Variants in PPP1R37 observed in about 807,000 individuals in gnomAD.
The protein encoded by PPP1R37 is protein phosphatase 1 regulatory subunit 37, also known as leucine rich repeat containing 68.
PPP1R37 carries 21 observed loss-of-function variants against 61.0 expected under a neutral mutation model. That is an observed-to-expected ratio of 0.34 (90% CI 0.24 to 0.50). The LOEUF (loss-of-function observed/expected upper bound fraction) is 0.50, where lower values mean the gene tolerates loss of function less well. PPP1R37 is among the 20% of genes least tolerant of loss of function. The probability of loss-of-function intolerance (pLI) is 0.98; values close to 1 mark genes in which losing one functional copy is unlikely to be tolerated. For synonymous variants in PPP1R37, 443 were observed against 433.5 expected, an observed-to-expected ratio of 1.02 and a Z score of -0.27; for missense variants, 910 against 952.7, an observed-to-expected ratio of 0.96 and a Z score of 0.59.
chr19:45,104,075 G>A (rs1487184391), intron 1 of PPP1R37, among the ~76,000 whole-genome samples: 1 of 151,018 alleles, frequency 6.6e-6, no homozygotes, highest in Non-Finnish European at 1.5e-5. Context: ...CCCCTCCCAC[G>A]CCTAGACGCA....
intron 1 of PPP1R37, among the ~76,000 whole-genome samples, chr19:45,114,343 C>A (rs936055578): frequency 2.4e-4 from 37 of 152,230 alleles, no homozygotes; most frequent in African/African-American, 8.4e-4. Context: ...AACACATGCA[C>A]TCCTTGTTCC....
chr19:45,125,368 CAGG>C (rs1968392188), intron 1 of PPP1R37, among the ~76,000 whole-genome samples: 1 of 152,090 alleles, frequency 6.6e-6, no homozygotes, highest in Admixed American at 6.5e-5. Context: ...GAGGCTGAGG[CAGG>C]AGAATTGCTT....
chr19:45,123,666 C>G (rs1338909753), intron 1 of PPP1R37, among the ~76,000 whole-genome samples: 2 of 152,152 alleles, frequency 1.3e-5, no homozygotes, highest in African/African-American at 4.8e-5. Context: ...GGATTAAATG[C>G]AGTAATCGAG....
At chr19:45,099,243 G>T (rs552257966) in intron 1 of PPP1R37, among the ~76,000 whole-genome samples, 5 of 152,256 alleles carry the variant, frequency 3.3e-5, no homozygotes, top group Admixed American at 3.3e-4. Flanking sequence ...TCCAGGCTGG[G>T]TGCCCCAGCA....
At chr19:45,106,807 CTTTTTTTTTTT>C (rs927426410) in intron 1 of PPP1R37, among the ~76,000 whole-genome samples, 981 of 78,138 alleles carry the variant, frequency 0.013, 28 homozygotes, top group Non-Finnish European at 0.014. Context: ...TGTTGAGCAT[CTTTTTTTTTTT>C]TTTTTTTTTT....
chr19:45,146,537 CTGACAG>C, intron 12 of PPP1R37, 28 bp from the exon 13 acceptor site: 6 of 1,249,054 alleles, frequency 4.8e-6, no homozygotes, highest in Non-Finnish European at 5.6e-6. Flanking sequence ...GCCTCTGGCT[CTGACAG>C]TCTCTCCCCC....
At chr19:45,116,688 A>G (rs11672271) in intron 1 of PPP1R37, among the ~76,000 whole-genome samples, 42,618 of 152,104 alleles carry the variant, frequency 0.28, 6,259 homozygotes, top group Non-Finnish European at 0.33. Context: ...TCCCAGAGTG[A>G]GTCGGTGCAT....
At chr19:45,116,609 A>G (rs1353106186) in intron 1 of PPP1R37, among the ~76,000 whole-genome samples, 9 of 152,164 alleles carry the variant, frequency 5.9e-5, no homozygotes, top group Non-Finnish European at 1.0e-4. Context: ...TCCAGGACGC[A>G]TTGCGGGCTC....
intron 1 of PPP1R37, among the ~76,000 whole-genome samples, chr19:45,124,804 A>C (rs1175711189): frequency 1.0e-5 from 1 of 96,860 alleles, no homozygotes; most frequent in Non-Finnish European, 2.0e-5. Flanking sequence ...CTACATAAAA[A>C]AAGAAAAAAA....
At chr19:45,124,788 C>T (rs1354415383) in intron 1 of PPP1R37, among the ~76,000 whole-genome samples, 4 of 143,430 alleles carry the variant, frequency 2.8e-5, no homozygotes, top group East Asian at 2.0e-4. Flanking sequence ...TACTGAGACC[C>T]GGTCTCTACA....
chr19:45,097,494 G>A (rs1968007670), intron 1 of PPP1R37, among the ~76,000 whole-genome samples: 1 of 151,926 alleles, frequency 6.6e-6, no homozygotes, highest in South Asian at 2.1e-4. Context: ...TACAGTGGTG[G>A]CCCAGCTGGG....
chr19:45,114,467 T>C (rs184978755), intron 1 of PPP1R37, among the ~76,000 whole-genome samples: 170 of 117,914 alleles, frequency 1.4e-3, no homozygotes, highest in Non-Finnish European at 2.1e-3. Flanking sequence ...GGGCAGCTCA[T>C]GCAGGCTTAG....
chr19:45,145,038 G>A (rs747520070), intron 9 of PPP1R37, 43 bp downstream of exon 9: 1 of 1,521,468 alleles, frequency 6.6e-7, no homozygotes, highest in Non-Finnish European at 8.8e-7. Context: ...GGTGGGCTCA[G>A]CCGGGCGGCC....
intron 1 of PPP1R37, among the ~76,000 whole-genome samples, chr19:45,118,713 C>T (rs1196228454): frequency 6.6e-6 from 1 of 152,190 alleles, no homozygotes; most frequent in African/African-American, 2.4e-5. Context: ...TTTGACAACC[C>T]TCCATCTGGC....
At chr19:45,139,444 T>C (rs1212498363) in intron 2 of PPP1R37, among the ~76,000 whole-genome samples, 4 of 152,210 alleles carry the variant, frequency 2.6e-5, no homozygotes, top group Non-Finnish European at 5.9e-5. Flanking sequence ...TCTCCCACCC[T>C]GCCGGTCCCC....
intron 1 of PPP1R37, among the ~76,000 whole-genome samples, chr19:45,135,558 G>A (rs1377193583): frequency 6.6e-6 from 1 of 152,214 alleles, no homozygotes; most frequent in Non-Finnish European, 1.5e-5. Context: ...GGAGAGTTGA[G>A]AGTGGCTCCA....
At position 45,093,542 on chromosome 19, in the gene PPP1R37, T is replaced by G. The variant is rs1173987027; in HGVS notation, c.202+15T>G. 4 of 1,524,472 alleles carry G rather than the reference T, an allele frequency of 2.6e-6. No homozygotes were observed. The African/African-American group carries it at 4.2e-5, about 16-fold the overall frequency. 94.4% of individuals were successfully genotyped at this position (1,524,472 alleles called of 1,614,324 possible). A position where few individuals can be genotyped will look rare whatever the true frequency, so the allele number is the denominator to read the frequency against. On this transcript the variant is annotated intron_variant, in intron 1 of 12. Coordinates refer to ENST00000221462, the MANE Select transcript of PPP1R37 (RefSeq NM_019121.2). ...CTGGAGACATGGTAGCTACCGCGGG[T>G]GAAGCGGGGGCGGGCTCGAGAGGGA...
At chr19:45,136,247 G>C (rs1222734030) in intron 1 of PPP1R37, 1 of 152,210 alleles carries the variant, frequency 6.6e-6, no homozygotes, top group Non-Finnish European at 1.5e-5. Flanking sequence ...TGGGCATTCA[G>C]AATCTGCAGT....
At position 45,093,431 on chromosome 19, in the gene PPP1R37, G is replaced by T; in HGVS notation, c.106G>T (p.Asp36Tyr). Residue 36 changes from aspartate to tyrosine, a missense_variant, in exon 1 of 13, where the codon GAT becomes TAT. This residue lies in a region of PPP1R37 where 81 missense variants were observed against 65.4 expected (regional missense o/e 1.24). Transcript: ENST00000221462. Reference sequence around the variant, plus strand: ...TCCCAGCCCCGCGTCGCCCCCCGCCGATGGGCGCCTCAAGGCTGCAGCCAA... The same window carrying T: ...TCCCAGCCCCGCGTCGCCCCCCGCCTATGGGCGCCTCAAGGCTGCAGCCAA... ...GSPSPASPPA[D>Y]GRLKAAAKRV... 6.5e-7 allele frequency: 1 copy of T among 1,534,936 alleles called. No homozygotes were observed. Among genetic ancestry groups the T allele is most frequent in the Non-Finnish European group, 8.7e-7 (1 of 1,146,434 alleles).
Sources: allele counts gnomAD v4.1 joint callset (sites outside exome capture counted in the v4.1 genomes callset), GRCh38; gene constraint gnomAD v4.1.1; regional missense constraint gnomAD v4.1.1; transcripts MANE v1.5; gene names NCBI Gene and HGNC (gene_info 2026-07-23, HGNC 2026-07-21).